Variants in ANTXR1 observed in about 807,000 individuals in gnomAD.
ANTXR1 encodes ANTXR cell adhesion molecule 1, also known as anthrax toxin receptor 1.
In ANTXR1, 19 loss-of-function variants were observed where a neutral mutation model predicts 78.1. The observed-to-expected ratio is 0.24, with a 90% confidence interval of 0.17 to 0.36. The LOEUF (loss-of-function observed/expected upper bound fraction) is 0.36, where lower values mean the gene tolerates loss of function less well. Ranked by LOEUF, ANTXR1 falls within the 10% of genes least tolerant of loss-of-function variation. The pLI is 1.00. For missense variants in ANTXR1, 518 were observed against 718.6 expected (o/e 0.72, Z 3.19); for synonymous variants, 273 against 260.5 (o/e 1.05, Z -0.46).
chr2:69,179,202 A>G (rs929843333), intron 14 of ANTXR1, among the ~76,000 whole-genome samples: 1 of 152,196 alleles, frequency 6.6e-6, no homozygotes, highest in Non-Finnish European at 1.5e-5. Flanking sequence ...ATGAACTATA[A>G]TATTTTATTG....
chr2:69,207,930 C>T (rs1394151133), intron 17 of ANTXR1, among the ~76,000 whole-genome samples: 3 of 152,122 alleles, frequency 2.0e-5, no homozygotes, highest in Non-Finnish European at 4.4e-5. Flanking sequence ...TTTATGAACT[C>T]AGAATGGGAA....
intron 13 of ANTXR1, among the ~76,000 whole-genome samples, chr2:69,158,176 C>G (rs187518710): frequency 6.6e-5 from 10 of 152,196 alleles, no homozygotes; most frequent in Admixed American, 3.3e-4. Flanking sequence ...AGCTGCTGCT[C>G]AGTGTATCTC....
intron 12 of ANTXR1, chr2:69,135,078 T>C (rs1002139321): frequency 5.0e-6 from 2 of 400,712 alleles, no homozygotes; most frequent in East Asian, 1.4e-4. Flanking sequence ...ATCTCAAATA[T>C]TGTTTATGAA....
At position 69,072,262 on chromosome 2, in the gene ANTXR1, G is replaced by A. The variant is rs576467459; in HGVS notation, c.412+475G>A. Among the ~76,000 whole-genome samples, 6 of 152,250 alleles carry A rather than the reference G, an allele frequency of 3.9e-5. No individual in the cohort carries two copies. The East Asian group carries it at 9.6e-4, about 24-fold the overall frequency. Reference sequence around the variant, plus strand: ...CTGCATAAAATATACTCAGTAGAGTGCCTAGCACATAGAAATTTTTATTAT... The same window carrying A: ...CTGCATAAAATATACTCAGTAGAGTACCTAGCACATAGAAATTTTTATTAT... On this transcript the variant is annotated intron_variant, in intron 5 of 17. Transcript: ENST00000303714.
At chr2:69,046,363 C>A (rs1573807159) in intron 3 of ANTXR1, among the ~76,000 whole-genome samples, 2 of 152,202 alleles carry the variant, frequency 1.3e-5, no homozygotes, top group Middle Eastern at 6.8e-3. Flanking sequence ...TCTTCCAGAC[C>A]CATTGTGGTT....
chr2:69,088,275 G>T (rs1305406447), intron 8 of ANTXR1, among the ~76,000 whole-genome samples: 1 of 152,138 alleles, frequency 6.6e-6, no homozygotes, highest in East Asian at 1.9e-4. Context: ...TTGAAACTCG[G>T]GTTGGGTAAA....
chr2:69,046,026 T>A (rs528590135), intron 3 of ANTXR1, among the ~76,000 whole-genome samples: 45 of 152,122 alleles, frequency 3.0e-4, no homozygotes, highest in Non-Finnish European at 5.4e-4. Flanking sequence ...TGGCCAAGGA[T>A]TTTAAGAAGC....
At chr2:69,095,956 G>T (rs1156610268) in intron 9 of ANTXR1, among the ~76,000 whole-genome samples, 1 of 152,074 alleles carries the variant, frequency 6.6e-6, no homozygotes, top group African/African-American at 2.4e-5. Context: ...TATGTAATCT[G>T]CTGCCATCAA....
chr2:69,013,772 G>C lies in ANTXR1; in HGVS notation c.152+121G>C. On this transcript the variant is annotated intron_variant, in intron 1 of 17. Transcript: ENST00000303714. This position sits in a 1 kb window ranked among gnomAD's most constrained non-coding sequence, Gnocchi z 5.0. Reference sequence around the variant, plus strand: ...GAGCGCATCTCCAGGGCCACAGAGGGACCGCGCGGCAGGCGGCGGCGGAGT... The same window carrying C: ...GAGCGCATCTCCAGGGCCACAGAGGCACCGCGCGGCAGGCGGCGGCGGAGT... 1 of 1,499,130 alleles carries C rather than the reference G, an allele frequency of 6.7e-7. No homozygotes were observed. Among genetic ancestry groups the C allele is most frequent in the East Asian group, 2.5e-5 (1 of 40,542 alleles). The allele number at this position is 1,499,130 out of a possible 1,614,324, so 92.9% of individuals were successfully genotyped here.
At chr2:69,060,971 A>T (rs1185475393) in intron 3 of ANTXR1, among the ~76,000 whole-genome samples, 1 of 152,212 alleles carries the variant, frequency 6.6e-6, no homozygotes, top group East Asian at 1.9e-4. Context: ...AAACCATAAA[A>T]ACACCACATA....
At chr2:69,161,641 T>G (rs1419304540) in intron 13 of ANTXR1, among the ~76,000 whole-genome samples, 2 of 152,206 alleles carry the variant, frequency 1.3e-5, no homozygotes, top group African/African-American at 2.4e-5. Flanking sequence ...GTTTTCCATA[T>G]CAAGTTGCCT....
chr2:69,053,475 T>C lies in ANTXR1; in HGVS notation c.296+8662T>C, dbSNP rs191331043. Among the ~76,000 whole-genome samples, 9 of 152,262 alleles carry C rather than the reference T, an allele frequency of 5.9e-5. No individual in the cohort carries two copies. The East Asian group carries it at 1.5e-3, about 26-fold the overall frequency. ...CTTGTGCTCTAGGATCCCGGGGTGG[T>C]GGGTCCTTCCCTTACTCTGACCTCA... On this transcript the variant is annotated intron_variant, in intron 3 of 17. Transcript: ENST00000303714.
At chr2:69,062,005 T>C (rs561540923) in intron 3 of ANTXR1, among the ~76,000 whole-genome samples, 7 of 152,320 alleles carry the variant, frequency 4.6e-5, no homozygotes, top group African/African-American at 1.7e-4. Flanking sequence ...GAAGCACTGA[T>C]TAACTGAATT....
At chr2:69,123,631 G>T (rs947087722) in intron 11 of ANTXR1, among the ~76,000 whole-genome samples, 1 of 152,130 alleles carries the variant, frequency 6.6e-6, no homozygotes, top group African/African-American at 2.4e-5. Context: ...GCGCAGCATC[G>T]GATGTTCACC....
At chr2:69,219,689 T>A (rs1378789211) in intron 17 of ANTXR1, among the ~76,000 whole-genome samples, 1 of 152,188 alleles carries the variant, frequency 6.6e-6, no homozygotes, top group East Asian at 1.9e-4. Flanking sequence ...TATATTAAAA[T>A]GACAAATTCT....
rs1372676231 is a variant in ANTXR1, at chr2:69,059,471, G to A, written c.297-11176G>A. Among the ~76,000 whole-genome samples, 8 of 147,670 alleles carry A rather than the reference G, an allele frequency of 5.4e-5. No individual in the cohort carries two copies. In the South Asian group the frequency reaches 8.5e-4, roughly 16 times the overall value. On this transcript the variant is annotated intron_variant, in intron 3 of 17. Transcript: ENST00000303714. ...CTTTAGCAATAAAGTATTTTTCATC[G>A]AAGTGTGTACTTTTTTTTTTTTTTG...
At chr2:69,019,728 C>A (rs1490860594) in intron 1 of ANTXR1, among the ~76,000 whole-genome samples, 2 of 152,194 alleles carry the variant, frequency 1.3e-5, no homozygotes, top group Middle Eastern at 3.2e-3. Flanking sequence ...CCTCTCCCTC[C>A]TGTCACCTTC....
chr2:69,020,707 C>A (rs73934647), intron 1 of ANTXR1, among the ~76,000 whole-genome samples: 3,570 of 152,254 alleles, frequency 0.023, 132 homozygotes, highest in African/African-American at 0.081. Context: ...TGCCTCTCCC[C>A]CTGATTACTC....
At chr2:69,219,421 A>ACACACACACACC (rs1305493104) in intron 17 of ANTXR1, among the ~76,000 whole-genome samples, 15 of 150,210 alleles carry the variant, frequency 1.0e-4, no homozygotes, top group South Asian at 2.1e-4. Flanking sequence ...ACACACACAC[A>ACACACACACACC]CCCTACTGAT....
Sources: gnomAD v4.1 joint callset for allele counts (sites outside exome capture counted in the v4.1 genomes callset) on GRCh38, gnomAD v4.1.1 for gene constraint, Gnocchi (gnomAD v3.1) non-coding constraint, MANE v1.5 for transcripts, NCBI Gene and HGNC (gene_info 2026-07-23, HGNC 2026-07-21) for gene names.